ACOX3: variants seen among roughly 807,000 people sequenced by gnomAD.
The protein encoded by ACOX3 is peroxisomal acyl-coenzyme A oxidase 3.
Under a neutral mutation model 81.5 loss-of-function variants are expected in ACOX3, and 73 were observed. The ratio of observed to expected loss-of-function variants is 0.90; its 90% confidence interval spans 0.74 to 1.09. The LOEUF is 1.09. Ranked by LOEUF, ACOX3 falls within the 50% of genes least tolerant of loss-of-function variation. ACOX3 has a pLI of 0.00. For synonymous variants in ACOX3, 387 were observed against 375.1 expected, an observed-to-expected ratio of 1.03 and a Z score of -0.37; for missense variants, 947 against 928.0, an observed-to-expected ratio of 1.02 and a Z score of -0.27.
intron 16 of ACOX3, among the ~76,000 whole-genome samples, chr4:8,371,921 G>A (rs1716263547): frequency 6.6e-6 from 1 of 152,260 alleles, no homozygotes. Flanking sequence ...ACCCACAGAC[G>A]ACACTCAGGT....
chr4:8,437,564 G>A lies in ACOX3; in HGVS notation c.-15+3084C>T, dbSNP rs1257485931. Among the ~76,000 whole-genome samples the A allele has an allele frequency of 6.6e-6, 1 of 152,220 alleles. No homozygotes were observed. Among genetic ancestry groups the A allele is most frequent in the Admixed American group, 6.5e-5 (1 of 15,284 alleles). ...AGAAAAACAAAGACTTAAGGAAAAA[G>A]GCCAATCTGTTAGCAACAGCTCTTA... On this transcript the variant is annotated intron_variant, in intron 1 of 17. Transcript: ENST00000356406. The surrounding 1 kb of genome is among the most constrained non-coding windows in gnomAD (Gnocchi z 5.2).
In ACOX3 at chr4:8,400,601, T is replaced by C. The variant is rs1246872844; in HGVS notation, c.777-949A>G. On this transcript the variant is annotated intron_variant, in intron 7 of 17. Coordinates refer to ENST00000356406, the MANE Select transcript of ACOX3 (RefSeq NM_003501.3). The surrounding 1 kb of genome is among the most constrained non-coding windows in gnomAD (Gnocchi z 4.4). ...AAAGATACCTGTTATGGTTGTCTGGTCAGGAAAACCTATTACACAACAGTC... is the reference window on the plus strand; with the variant it reads ...AAAGATACCTGTTATGGTTGTCTGGCCAGGAAAACCTATTACACAACAGTC... Among the ~76,000 whole-genome samples, 1 of 152,208 alleles carries C rather than the reference T, an allele frequency of 6.6e-6. No individual in the cohort carries two copies. Among genetic ancestry groups the C allele is most frequent in the Non-Finnish European group, 1.5e-5 (1 of 68,040 alleles).
At chr4:8,360,553 G>A in the ACOX3 span, among the ~76,000 whole-genome samples, 4 of 150,942 alleles carry the variant, frequency 2.7e-5, no homozygotes, top group Non-Finnish European at 5.9e-5. Context: ...CTCATTGCAA[G>A]CTCCGCCTCC....
At chr4:8,428,386 A>T (rs1168718781) in intron 1 of ACOX3, 1 of 152,704 alleles carries the variant, frequency 6.5e-6, no homozygotes, top group Non-Finnish European at 1.5e-5. Context: ...TCGGCCCGCG[A>T]CCGACTCGGA....
At chr4:8,421,496 C>T (rs755481689) in intron 1 of ACOX3, among the ~76,000 whole-genome samples, 6 of 152,244 alleles carry the variant, frequency 3.9e-5, no homozygotes, top group Non-Finnish European at 8.8e-5. Context: ...GTTGCCCATG[C>T]GTGCACCCCT....
rs575619809 is a variant in ACOX3 at position 8,431,382 on chromosome 4, G to A, written c.-15+9266C>T. ...CACCTTCTGGCATTTGCCTGCTCAC[G>A]CTGTAGCACTCTCCATCCACCGTGC... On this transcript the variant is annotated intron_variant, in intron 1 of 17. Transcript: ENST00000356406. This position sits in a 1 kb window ranked among gnomAD's most constrained non-coding sequence, Gnocchi z 5.3. 2.0e-5 allele frequency among the ~76,000 whole-genome samples: 3 copies of A among 152,272 alleles called. No homozygotes were observed. The highest frequency in any genetic ancestry group is 4.2e-4 in the South Asian group (2 of 4,818).
In ACOX3 at chr4:8,437,339, G is replaced by A. The variant is rs557804582; in HGVS notation, c.-15+3309C>T. On this transcript the variant is annotated intron_variant, in intron 1 of 17. Coordinates refer to ENST00000356406, the MANE Select transcript of ACOX3 (RefSeq NM_003501.3). This position sits in a 1 kb window ranked among gnomAD's most constrained non-coding sequence, Gnocchi z 5.2. ...CGCCAAGGGTTAAATTCCTCTCCCC[G>A]GCTCAGCTCTATCTAGAAAAAAAGA... Among the ~76,000 whole-genome samples, 11 of 151,992 alleles carry A rather than the reference G, an allele frequency of 7.2e-5. No individual in the cohort carries two copies. The East Asian group carries it at 2.1e-3, about 30-fold the overall frequency.
chr4:8,355,426 G>T, the ACOX3 span: 1 of 152,358 alleles, frequency 6.6e-6, no homozygotes, highest in Non-Finnish European at 1.5e-5. Flanking sequence ...AAACAGTGCA[G>T]ACACAGGTCC....
At chr4:8,360,056 C>CA in the ACOX3 span, among the ~76,000 whole-genome samples, 21 of 152,166 alleles carry the variant, frequency 1.4e-4, no homozygotes, top group Admixed American at 1.4e-3. Flanking sequence ...GCAGGTCCCT[C>CA]AAAAAACTGG....
intron 6 of ACOX3, among the ~76,000 whole-genome samples, chr4:8,409,783 T>A (rs34947973): frequency 0.2 from 28,986 of 146,466 alleles, 2,743 homozygotes; most frequent in South Asian, 0.26. Context: ...TGGGCAGGGC[T>A]ATCTGTACTG....
In ACOX3 at chr4:8,389,070, C is replaced by G. The variant is rs550424228; in HGVS notation, c.1537+103G>C. ...GGGCCTCCCACCACCACTGCTGCCC[C>G]GGCTGGAACTGCCAAGGGTCCCCTC... On this transcript the variant is annotated intron_variant, in intron 13 of 17. Coordinates refer to ENST00000356406, the MANE Select transcript of ACOX3 (RefSeq NM_003501.3). The surrounding 1 kb of genome is among the most constrained non-coding windows in gnomAD (Gnocchi z 5.3). 2.2e-6 allele frequency: 2 copies of G among 905,762 alleles called. No homozygotes were observed. The highest frequency in any genetic ancestry group is 2.6e-5 in the East Asian group (1 of 38,042). The allele number at this position is 905,762 out of a possible 1,614,324, so 56.1% of individuals were successfully genotyped here.
chr4:8,415,120 T>G (rs1172443831), intron 3 of ACOX3, among the ~76,000 whole-genome samples, 192 bp from the exon 4 acceptor site: 1 of 152,250 alleles, frequency 6.6e-6, no homozygotes, highest in Non-Finnish European at 1.5e-5. Context: ...CAGGGTCTCC[T>G]GACACACAGC....
chr4:8,410,846 T>C (rs1198183429), intron 5 of ACOX3, among the ~76,000 whole-genome samples: 1 of 152,194 alleles, frequency 6.6e-6, no homozygotes, highest in Non-Finnish European at 1.5e-5. Flanking sequence ...ATATCCCAAA[T>C]GCCCCGAGCA....
intron 1 of ACOX3, among the ~76,000 whole-genome samples, chr4:8,433,344 C>T (rs1724056207): frequency 6.6e-6 from 1 of 152,206 alleles, no homozygotes; most frequent in Non-Finnish European, 1.5e-5. Flanking sequence ...TCTGGAGAAA[C>T]AAGAACACCA....
At position 8,405,985 on chromosome 4, in the gene ACOX3, T is replaced by C; in HGVS notation, c.746A>G (p.Lys249Arg). Residue 249 changes from lysine to arginine, a missense_variant, in exon 7 of 18, where the codon AAA (lysine) becomes AGA (arginine). Transcript: ENST00000356406. The surrounding 1 kb of genome is among the most constrained non-coding windows in gnomAD (Gnocchi z 7.1). ...MPGVMVGDIG[K>R]KLGQNGLDNG... Reference sequence around the variant, plus strand: ...ATCCAGACCGTTCTGCCCGAGTTTTTTTCCTATGTCGCCAACCATCACTCC... The same window carrying C: ...ATCCAGACCGTTCTGCCCGAGTTTTCTTCCTATGTCGCCAACCATCACTCC... The C allele has an allele frequency of 6.2e-7, 1 of 1,614,170 alleles. No individual in the cohort carries two copies. The highest frequency in any genetic ancestry group is 8.5e-7 in the Non-Finnish European group (1 of 1,180,026).
In ACOX3 at chr4:8,374,815, G is replaced by A. The variant is rs190745695; in HGVS notation, c.1828+163C>T. On this transcript the variant is annotated intron_variant, in intron 15 of 17. Coordinates refer to ENST00000356406, the MANE Select transcript of ACOX3 (RefSeq NM_003501.3). Reference sequence around the variant, plus strand: ...ACCCTGACGCTGCTCTGCCCCATATGCTTCTCATTATGGAACTGGGCTTCT... The same window carrying A: ...ACCCTGACGCTGCTCTGCCCCATATACTTCTCATTATGGAACTGGGCTTCT... The A allele has an allele frequency of 1.0e-3, 790 of 755,072 alleles. 8 individuals carry two copies. The South Asian group carries it at 0.011, about 11-fold the overall frequency. 46.8% of individuals were successfully genotyped at this position (755,072 alleles called of 1,614,324 possible).
rs1046245226 is a variant in ACOX3 at position 8,423,363 on chromosome 4, T to G, written c.-14-6828A>C. ...CCCTACTTGAGGAAGGAATTAATCC[T>G]GAAGTCTGGGCAACAGAAGGACAAT... On this transcript the variant is annotated intron_variant, in intron 1 of 17. Transcript: ENST00000356406. This position sits in a 1 kb window ranked among gnomAD's most constrained non-coding sequence, Gnocchi z 4.2. Among the ~76,000 whole-genome samples, 3 of 152,154 alleles carry G rather than the reference T, an allele frequency of 2.0e-5. No homozygotes were observed. The highest frequency in any genetic ancestry group is 7.2e-5 in the African/African-American group (3 of 41,450).
chr4:8,401,912 C>T (rs540244241), intron 7 of ACOX3, among the ~76,000 whole-genome samples: 3 of 152,342 alleles, frequency 2.0e-5, no homozygotes, highest in Admixed American at 6.5e-5. Flanking sequence ...TGAGGCGGAC[C>T]CCAGGGTGGG....
At chr4:8,375,318 A>G (rs1337629494) in intron 14 of ACOX3, among the ~76,000 whole-genome samples, 166 bp from the exon 15 acceptor site, 1 of 152,210 alleles carries the variant, frequency 6.6e-6, no homozygotes, top group Admixed American at 6.5e-5. Context: ...AGCACGAGAC[A>G]TGTTTCCAGA....
Sources: gnomAD v4.1 joint callset for allele counts (sites outside exome capture counted in the v4.1 genomes callset) on GRCh38, gnomAD v4.1.1 for gene constraint, Gnocchi (gnomAD v3.1) non-coding constraint, MANE v1.5 for transcripts, NCBI Gene and HGNC (gene_info 2026-07-23, HGNC 2026-07-21) for gene names.